ARHGEF33: variants seen among roughly 807,000 people sequenced by gnomAD.
ARHGEF33 encodes the protein Rho guanine nucleotide exchange factor 33, also known as DH and coiled-coil domain-containing protein ENSP00000381780.
Under a neutral mutation model 101.9 loss-of-function variants are expected in ARHGEF33, and 72 were observed. That is an observed-to-expected ratio of 0.71 (90% CI 0.58 to 0.86). ARHGEF33 has a LOEUF of 0.86. Ranked by LOEUF, ARHGEF33 falls within the 40% of genes least tolerant of loss-of-function variation. The probability of loss-of-function intolerance (pLI) is 0.00; values close to 1 mark genes in which losing one functional copy is unlikely to be tolerated. For synonymous variants in ARHGEF33, 499 were observed against 442.5 expected, an observed-to-expected ratio of 1.13 and a Z score of -1.60; for missense variants, 1,169 against 1,111.3, an observed-to-expected ratio of 1.05 and a Z score of -0.74.
chr2:38,941,058 G>A (rs533933993), intron 9 of ARHGEF33, among the ~76,000 whole-genome samples: 13 of 152,262 alleles, frequency 8.5e-5, no homozygotes, highest in Middle Eastern at 3.4e-3. Flanking sequence ...AATAACCAGG[G>A]AAGTTACAAA....
chr2:38,919,629 A>G (rs1666712564), intron 3 of ARHGEF33, among the ~76,000 whole-genome samples, 157 bp downstream of exon 3: 2 of 152,230 alleles, frequency 1.3e-5, no homozygotes, highest in Non-Finnish European at 2.9e-5. Context: ...TGGGTGCTGA[A>G]AAAATAGGAA....
In ARHGEF33 at chr2:38,960,565, G is replaced by A; in HGVS notation, c.2260G>A (p.Val754Ile). ...GGCGCACGGCCCGGCCGCCGCCGCC[G>A]TCGCCGCCCGCGGCGCATCCAGGAC... ...AQAHGPAAAAVAARGASRTFF... is the reference protein window; with the variant it reads ...AQAHGPAAAAIAARGASRTFF... Residue 754 changes from valine to isoleucine, a missense_variant, in exon 16 of 18, where the codon GTC becomes ATC. Transcript: ENST00000409978. The A allele has an allele frequency of 1.6e-6, 2 of 1,276,484 alleles. No individual in the cohort carries two copies. Among genetic ancestry groups the A allele is most frequent in the South Asian group, 1.8e-5 (1 of 55,098 alleles). The allele number at this position is 1,276,484 out of a possible 1,614,324, so 79.1% of individuals were successfully genotyped here.
At chr2:38,964,478 A>G (rs1366220502) in intron 16 of ARHGEF33, among the ~76,000 whole-genome samples, 1 of 151,594 alleles carries the variant, frequency 6.6e-6, no homozygotes, top group Non-Finnish European at 1.5e-5. Context: ...CTGTATTTGC[A>G]GCCACTCCCC....
intron 2 of ARHGEF33, among the ~76,000 whole-genome samples, chr2:38,905,023 G>A (rs1183346364): frequency 2.6e-5 from 4 of 152,172 alleles, no homozygotes; most frequent in Non-Finnish European, 5.9e-5. Context: ...GGTCAGTGGT[G>A]GTGCTAGTGG....
intron 2 of ARHGEF33, among the ~76,000 whole-genome samples, chr2:38,914,710 A>G (rs1186541562): frequency 6.6e-6 from 1 of 151,962 alleles, no homozygotes; most frequent in East Asian, 1.9e-4. Context: ...TATACCAATT[A>G]ACTTGGAGAG....
chr2:38,972,897 T>C (rs1361342438), intron 17 of ARHGEF33: 2 of 152,182 alleles, frequency 1.3e-5, no homozygotes, highest in Non-Finnish European at 2.9e-5. Flanking sequence ...TTTTTTGATA[T>C]TGGTTCTTAG....
In ARHGEF33 at chr2:38,965,994, T is replaced by G; in HGVS notation, c.2344-12T>G. 1 of 1,550,562 alleles carries G rather than the reference T, an allele frequency of 6.4e-7. No homozygotes were observed. The highest frequency in any genetic ancestry group is 2.4e-5 in the East Asian group (1 of 40,890). ...AGGAGTAAAGAAAAAAATCCCTCTTTTTTGTTTCCAGGAGATGCATTTAGA... is the reference window on the plus strand; with the variant it reads ...AGGAGTAAAGAAAAAAATCCCTCTTGTTTGTTTCCAGGAGATGCATTTAGA... On this transcript the variant is annotated splice_polypyrimidine_tract_variant and intron_variant, in intron 16 of 17. Transcript: ENST00000409978.
intron 13 of ARHGEF33, among the ~76,000 whole-genome samples, 188 bp from the exon 14 acceptor site, chr2:38,956,711 C>T (rs1667776734): frequency 6.6e-6 from 1 of 152,220 alleles, no homozygotes; most frequent in Non-Finnish European, 1.5e-5. Context: ...ACTTATTTTC[C>T]GTTGGTATGA....
At chr2:38,903,990 A>G (rs891639473) in intron 2 of ARHGEF33, among the ~76,000 whole-genome samples, 3 of 152,210 alleles carry the variant, frequency 2.0e-5, no homozygotes, top group African/African-American at 7.2e-5. Context: ...AATATATCCT[A>G]TGTACCAGGG....
At chr2:38,962,116 G>T (rs554429156) in intron 16 of ARHGEF33, among the ~76,000 whole-genome samples, 32 of 152,204 alleles carry the variant, frequency 2.1e-4, no homozygotes, top group Non-Finnish European at 3.5e-4. Context: ...GGGGTTCTCA[G>T]ATTTTCCTCT....
intron 12 of ARHGEF33, among the ~76,000 whole-genome samples, chr2:38,954,008 G>T (rs967181172): frequency 6.6e-6 from 1 of 152,224 alleles, no homozygotes; most frequent in African/African-American, 2.4e-5. Context: ...CTCCCTTAGA[G>T]CCTGTTACTA....
chr2:38,956,853 T>G (rs1031881087), intron 13 of ARHGEF33, 46 bp from the exon 14 acceptor site: 61 of 1,543,524 alleles, frequency 4.0e-5, no homozygotes, highest in Admixed American at 7.9e-5. Flanking sequence ...AAAAACAAAT[T>G]TTCATGCTGA....
At chr2:38,933,706 G>T (rs1213034469) in intron 7 of ARHGEF33, among the ~76,000 whole-genome samples, 1 of 152,104 alleles carries the variant, frequency 6.6e-6, no homozygotes, top group Non-Finnish European at 1.5e-5. Flanking sequence ...TCTTAGAAAT[G>T]GTATTCCATT....
At chr2:38,949,309 T>G (rs2124409880) in intron 10 of ARHGEF33, among the ~76,000 whole-genome samples, 2 of 152,304 alleles carry the variant, frequency 1.3e-5, no homozygotes, top group South Asian at 4.2e-4. Flanking sequence ...TTTGTTAAAC[T>G]TGCGGTGCTG....
intron 10 of ARHGEF33, among the ~76,000 whole-genome samples, chr2:38,948,325 A>G (rs1042604474): frequency 3.9e-5 from 6 of 152,226 alleles, no homozygotes; most frequent in African/African-American, 1.4e-4. Context: ...TTCGTATAGA[A>G]TCCACTGTAG....
chr2:38,910,874 T>C lies in ARHGEF33; in HGVS notation c.-85-8489T>C, dbSNP rs1263600770. On this transcript the variant is annotated intron_variant, in intron 2 of 17. Transcript: ENST00000409978. ...TACCTTAAATTACAGTACTTTGAAA[T>C]ACTGTGGCATGAAGCAGTTTATTTA... is the stretch of plus-strand genomic sequence containing the variant. Among the ~76,000 whole-genome samples, 3 of 152,178 alleles carry C rather than the reference T, an allele frequency of 2.0e-5. 1 individual carries two copies. The highest frequency in any genetic ancestry group is 4.1e-4 in the South Asian group (2 of 4,828).
At chr2:38,966,172 T>C in intron 17 of ARHGEF33, 27 bp downstream of exon 17, 1 of 1,545,166 alleles carries the variant, frequency 6.5e-7, no homozygotes, top group Non-Finnish European at 8.7e-7. Context: ...CAAGACAGCA[T>C]TGTAACTCAT....
chr2:38,974,004 C>A lies in ARHGEF33; in HGVS notation c.*161C>A. 2.6e-6 allele frequency: 1 copy of A among 391,558 alleles called. No individual in the cohort carries two copies. The highest frequency in any genetic ancestry group is 3.7e-6 in the Non-Finnish European group (1 of 272,964). 24.3% of individuals were successfully genotyped at this position (391,558 alleles called of 1,614,324 possible). ...ATAAATACTTACATATGAAACTAAA[C>A]ATACAAGACATTGAAGAGATGAAGA... On this transcript the variant is annotated 3_prime_UTR_variant, in exon 18 of 18. Transcript: ENST00000409978.
intron 10 of ARHGEF33, among the ~76,000 whole-genome samples, chr2:38,946,995 C>T (rs116536218): frequency 8.7e-4 from 132 of 152,232 alleles, no homozygotes; most frequent in African/African-American, 2.6e-3. Context: ...TTTTCTCTAT[C>T]GGCATTTTTC....
Sources: allele counts gnomAD v4.1 joint callset (sites outside exome capture counted in the v4.1 genomes callset), GRCh38; gene constraint gnomAD v4.1.1; transcripts MANE v1.5; gene names NCBI Gene and HGNC (gene_info 2026-07-23, HGNC 2026-07-21).